Variants in RAPGEF4 observed in about 807,000 individuals in gnomAD.
RAPGEF4 encodes RAP guanine-nucleotide-exchange factor (GEF) 4.
In RAPGEF4, 66 loss-of-function variants were observed where a neutral mutation model predicts 147.9. The ratio of observed to expected loss-of-function variants is 0.45; its 90% CI spans 0.37 to 0.55. The LOEUF (loss-of-function observed/expected upper bound fraction) is 0.55. Among genes scored for constraint, RAPGEF4 ranks in the 20% least tolerant of loss-of-function variants. RAPGEF4 has a pLI of 0.00. For missense variants in RAPGEF4, 1,071 were observed against 1,257.3 expected (o/e 0.85, Z 2.24); for synonymous variants, 419 against 442.7 (o/e 0.95, Z 0.67).
At chr2:172,925,948 AGGAGGG>A (rs1284169338) in intron 6 of RAPGEF4, among the ~76,000 whole-genome samples, 5 of 112,882 alleles carry the variant, frequency 4.4e-5, no homozygotes, top group Admixed American at 9.4e-5. Flanking sequence ...GAGGGAAGGA[AGGAGGG>A]GGAGGGGGAG....
intron 10 of RAPGEF4, among the ~76,000 whole-genome samples, chr2:172,968,109 G>A (rs73015689): frequency 0.019 from 2,871 of 152,238 alleles, 93 homozygotes; most frequent in African/African-American, 0.064. Flanking sequence ...TTTGATGCAG[G>A]GCACTCCACA....
intron 4 of RAPGEF4, among the ~76,000 whole-genome samples, chr2:172,851,061 A>G (rs1377395192): frequency 6.6e-6 from 1 of 152,096 alleles, no homozygotes; most frequent in African/African-American, 2.4e-5. Flanking sequence ...TCTTTCTAAC[A>G]TTTTGTTACG....
intron 1 of RAPGEF4, among the ~76,000 whole-genome samples, chr2:172,773,418 TG>T (rs1229251306): frequency 6.6e-6 from 1 of 152,224 alleles, no homozygotes; most frequent in Non-Finnish European, 1.5e-5. Flanking sequence ...GCTACTTTCA[TG>T]CAGTAAAGTC....
In RAPGEF4 at chr2:172,967,322, C is replaced by A. The variant is rs369022929; in HGVS notation, c.882C>A (p.His294Gln). Residue 294 changes from histidine to glutamine, a missense_variant, in exon 10 of 31, where the codon CAC becomes CAA. By Grantham distance (24) the His-to-Gln change is conservative (BLOSUM62 0). Coordinates refer to ENST00000397081, the MANE Select transcript of RAPGEF4 (RefSeq NM_007023.4). ...TCTATCGATTTCTGGATGATGAGCA[C>A]GAGGATGCCCCTTTGCCTACTGAGG... ...YLFYRFLDDE[H>Q]EDAPLPTEEE... is the part of the protein sequence containing the mutation. The A allele has an allele frequency of 6.2e-7, 1 of 1,612,172 alleles. No individual in the cohort carries two copies. Among genetic ancestry groups the A allele is most frequent in the Admixed American group, 1.7e-5 (1 of 59,978 alleles).
intron 6 of RAPGEF4, among the ~76,000 whole-genome samples, chr2:172,954,964 G>A (rs376234928): frequency 7.9e-5 from 12 of 152,078 alleles, no homozygotes; most frequent in Admixed American, 3.3e-4. Context: ...CTTTAGCCTC[G>A]CACACTGCTC....
In RAPGEF4 at chr2:173,030,348, T is replaced by C. The variant is rs573309889; in HGVS notation, c.2649+94T>C. On this transcript the variant is annotated intron_variant, in intron 26 of 30. Coordinates refer to ENST00000397081, the MANE Select transcript of RAPGEF4 (RefSeq NM_007023.4). The stretch of plus-strand genomic sequence containing the variant: ...TTTTTAATAGAAATATCACTCACAC[T>C]AGTATAACAATGGGAAAGGTGGGAC... 4.7e-4 allele frequency: 462 copies of C among 973,830 alleles called. 4 individuals are homozygous for C. Among genetic ancestry groups the C allele is most frequent in the South Asian group, 3.4e-3 (247 of 72,484 alleles). The allele number at this position is 973,830 out of a possible 1,614,324, so 60.3% of individuals were successfully genotyped here. A position where few individuals can be genotyped will look rare whatever the true frequency, so the allele number is the denominator to read the frequency against.
In RAPGEF4 at chr2:172,980,088, T is replaced by G. The variant is rs184053257; in HGVS notation, c.1005-3408T>G. Among the ~76,000 whole-genome samples the G allele has an allele frequency of 2.6e-5, 4 of 152,188 alleles. No homozygotes were observed. The East Asian group carries it at 7.7e-4, about 29-fold the overall frequency. On this transcript the variant is annotated intron_variant, in intron 10 of 30. Coordinates refer to ENST00000397081, the MANE Select transcript of RAPGEF4 (RefSeq NM_007023.4). Reference sequence around the variant, plus strand: ...AGTATTTTAAGCAAAGAGAAGAGCATGCAAAAAGTCCTGCAGGCATGAAAA... The same window carrying G: ...AGTATTTTAAGCAAAGAGAAGAGCAGGCAAAAAGTCCTGCAGGCATGAAAA...
chr2:172,867,862 T>C (rs1345624593), intron 4 of RAPGEF4, among the ~76,000 whole-genome samples: 1 of 152,252 alleles, frequency 6.6e-6, no homozygotes, highest in Non-Finnish European at 1.5e-5. Context: ...AAAAGTTTCT[T>C]GTGACAGAGA....
intron 4 of RAPGEF4, among the ~76,000 whole-genome samples, chr2:172,908,338 T>G (rs1699809751): frequency 2.0e-5 from 3 of 152,264 alleles, no homozygotes; most frequent in Non-Finnish European, 4.4e-5. Flanking sequence ...CTTTCTGCTC[T>G]GCTGGGTCCC....
intron 1 of RAPGEF4, chr2:172,744,273 CTT>C (rs1197205124): frequency 2.0e-5 from 7 of 341,862 alleles, no homozygotes; most frequent in African/African-American, 1.5e-4. Flanking sequence ...GTCAAATCAG[CTT>C]TGTCTTAGGA....
chr2:172,877,114 C>G (rs1456898628), intron 4 of RAPGEF4, among the ~76,000 whole-genome samples: 1 of 152,112 alleles, frequency 6.6e-6, no homozygotes, highest in African/African-American at 2.4e-5. Flanking sequence ...GGAACAAACC[C>G]AAATGCCCAT....
In RAPGEF4 at chr2:172,779,434, G is replaced by A. The variant is rs556146865; in HGVS notation, c.66-15591G>A. Among the ~76,000 whole-genome samples, 461 of 152,258 alleles carry A rather than the reference G, an allele frequency of 3.0e-3. 2 individuals carry two copies. The highest frequency in any genetic ancestry group is 0.024 in the South Asian group (118 of 4,822). On this transcript the variant is annotated intron_variant, in intron 1 of 30. Coordinates refer to ENST00000397081, the MANE Select transcript of RAPGEF4 (RefSeq NM_007023.4). ...GGGGAAATAGTATCCCTGGCAGAAG[G>A]AATAGTTGTTGCAAGGGCTTGAAGG...
At chr2:172,926,226 CCTGA>C (rs1179130137) in intron 6 of RAPGEF4, among the ~76,000 whole-genome samples, 6 of 152,248 alleles carry the variant, frequency 3.9e-5, no homozygotes, top group East Asian at 3.9e-4. Context: ...ATGTGCTATA[CCTGA>C]CTGACTATGT....
At chr2:172,858,590 A>G (rs1331377017) in intron 4 of RAPGEF4, among the ~76,000 whole-genome samples, 7 of 152,252 alleles carry the variant, frequency 4.6e-5, no homozygotes, top group Non-Finnish European at 7.3e-5. Flanking sequence ...ATTGAAGGCC[A>G]TGATAAAGAT....
At chr2:172,917,751 G>A (rs1254991657) in intron 4 of RAPGEF4, 51 bp from the exon 5 acceptor site, 1 of 1,474,458 alleles carries the variant, frequency 6.8e-7, no homozygotes, top group Non-Finnish European at 9.5e-7. Context: ...ATAAATGAAT[G>A]CTCAAAGCAA....
intron 4 of RAPGEF4, among the ~76,000 whole-genome samples, chr2:172,826,316 T>C (rs1220538229): frequency 6.6e-6 from 1 of 152,262 alleles, no homozygotes; most frequent in Non-Finnish European, 1.5e-5. Flanking sequence ...TGTGTCTACC[T>C]CTTTAATAGT....
At chr2:172,939,459 G>A (rs1368228887) in intron 6 of RAPGEF4, among the ~76,000 whole-genome samples, 1 of 152,026 alleles carries the variant, frequency 6.6e-6, no homozygotes, top group East Asian at 1.9e-4. Context: ...TCTTTGTTGA[G>A]GTGTCTTTTG....
chr2:172,918,045 T>C, intron 5 of RAPGEF4, 171 bp downstream of exon 5: 1 of 759,302 alleles, frequency 1.3e-6, no homozygotes, highest in Non-Finnish European at 2.4e-6. Context: ...AAATGGTTAA[T>C]ATAGTATTAG....
chr2:172,812,934 A>G (rs181950393), intron 3 of RAPGEF4, among the ~76,000 whole-genome samples: 1 of 152,296 alleles, frequency 6.6e-6, no homozygotes, highest in Admixed American at 6.5e-5. Flanking sequence ...TTGACTATTG[A>G]TATTTCAGTT....
Sources: gnomAD v4.1 joint callset for allele counts (sites outside exome capture counted in the v4.1 genomes callset) on GRCh38, gnomAD v4.1.1 for gene constraint, MANE v1.5 for transcripts, NCBI Gene and HGNC (gene_info 2026-07-23, HGNC 2026-07-21) for gene names.